The following SPOCK2 variants were observed in gnomAD, a reference collection of about 807,000 sequenced individuals.
SPOCK2 encodes the protein testican-2.
A neutral mutation model predicts 60.1 loss-of-function variants in SPOCK2; 39 were observed. The ratio of observed to expected loss-of-function variants is 0.65; its 90% confidence interval spans 0.50 to 0.85. The LOEUF is 0.85. Ranked by LOEUF, SPOCK2 falls within the 40% of genes least tolerant of loss-of-function variation. The pLI is 0.00. For synonymous variants in SPOCK2, 217 were observed against 231.5 expected (o/e 0.94, Z 0.57); for missense variants, 523 against 567.4 (o/e 0.92, Z 0.80).
At chr10:72,082,364 C>G (rs910239995) in intron 1 of SPOCK2, among the ~76,000 whole-genome samples, 2 of 152,220 alleles carry the variant, frequency 1.3e-5, no homozygotes, top group Non-Finnish European at 2.9e-5. Flanking sequence ...ATCCACGGCT[C>G]TTAGAAGACC....
chr10:72,079,526 C>T (rs1320179192), intron 1 of SPOCK2, among the ~76,000 whole-genome samples: 2 of 152,330 alleles, frequency 1.3e-5, no homozygotes, highest in South Asian at 4.1e-4. Flanking sequence ...ACGGTGCCCA[C>T]TGAGCCAAGC....
rs960572268 is a variant in SPOCK2 at position 72,072,426 on chromosome 10, C to T, written c.244+77G>A. 179 of 1,593,676 alleles carry T rather than the reference C, an allele frequency of 1.1e-4. 2 individuals are homozygous for T. The East Asian group carries it at 1.7e-3, about 15-fold the overall frequency. On this transcript the variant is annotated intron_variant, in intron 3 of 10. Coordinates refer to ENST00000373109, the MANE Select transcript of SPOCK2 (RefSeq NM_001244950.2). ...CCTGGCTGCTCAAGGAGCCCCCAAG[C>T]GGGCTAAGGGCTTGCCCTCTGGTCT...
At position 72,062,843 on chromosome 10, in the gene SPOCK2, TCTCCTC is replaced by T; in HGVS notation, c.1186_1191del (p.Glu396_Glu397del). The T allele has an allele frequency of 6.2e-7, 1 of 1,607,070 alleles. No homozygotes were observed. The highest frequency in any genetic ancestry group is 8.5e-7 in the Non-Finnish European group (1 of 1,178,298). On this transcript the variant is annotated inframe_deletion, in exon 11 of 11. Coordinates refer to ENST00000373109, the MANE Select transcript of SPOCK2 (RefSeq NM_001244950.2). The surrounding 1 kb of genome is among the most constrained non-coding windows in gnomAD (Gnocchi z 4.3). ...TCCTCGCCTGCTTCCTCCGTCTCCT[TCTCCTC>T]CTCATCCTCCCAGCCGACACCGCTT...
At position 72,088,460 on chromosome 10, in the gene SPOCK2, C is replaced by A; in HGVS notation, c.-132G>T. On this transcript the variant is annotated 5_prime_UTR_variant, in exon 1 of 11. Transcript: ENST00000373109. Reference sequence around the variant, plus strand: ...CCCGCGGTCTGCCTCCGGTGACTGGCGGAGAGTGGGTCGCGGCTGAAATGT... The same window carrying A: ...CCCGCGGTCTGCCTCCGGTGACTGGAGGAGAGTGGGTCGCGGCTGAAATGT... The A allele has an allele frequency of 1.8e-6, 2 of 1,105,110 alleles. No individual in the cohort carries two copies. Among genetic ancestry groups the A allele is most frequent in the Non-Finnish European group, 2.5e-6 (2 of 802,092 alleles). The allele number at this position is 1,105,110 out of a possible 1,614,324, so 68.5% of individuals were successfully genotyped here. A position where few individuals can be genotyped will look rare whatever the true frequency, so the allele number is the denominator to read the frequency against.
At chr10:72,080,916 C>T (rs1840775131) in intron 1 of SPOCK2, among the ~76,000 whole-genome samples, 2 of 152,266 alleles carry the variant, frequency 1.3e-5, no homozygotes, top group African/African-American at 4.8e-5. Context: ...CTGCCCTAGT[C>T]CTTGGTCCCT....
chr10:72,072,828 TG>T, intron 2 of SPOCK2, 73 bp downstream of exon 2: 1 of 1,547,686 alleles, frequency 6.5e-7, no homozygotes, highest in Non-Finnish European at 8.7e-7. Context: ...AGAATGAGGG[TG>T]TGGAGGGACA....
intron 1 of SPOCK2, among the ~76,000 whole-genome samples, chr10:72,082,328 C>T (rs1840796386): frequency 6.6e-6 from 1 of 152,206 alleles, no homozygotes; most frequent in Non-Finnish European, 1.5e-5. Context: ...TGTATGCAGG[C>T]ATAGGCCTGG....
At position 72,088,281 on chromosome 10, in the gene SPOCK2, C is replaced by G. The variant is rs757040825; in HGVS notation, c.48G>C (p.Leu16=). The change falls in exon 1 of 11, where the codon CTG becomes CTC. Residue 16 remains leucine, a synonymous_variant. Coordinates refer to ENST00000373109, the MANE Select transcript of SPOCK2 (RefSeq NM_001244950.2). ...CGRLVLPLLL[L]AAAALAEGDA... is the part of the protein sequence containing the mutation. The stretch of plus-strand genomic sequence containing the variant: ...CGCCTTCGGCCAGGGCTGCCGCGGC[C>G]AGGAGCAGCAGCGGCAGCACCAGCC... The G allele has an allele frequency of 6.2e-7, 1 of 1,602,354 alleles. No individual in the cohort carries two copies. Among genetic ancestry groups the G allele is most frequent in the South Asian group, 1.1e-5 (1 of 90,222 alleles).
At chr10:72,073,102 G>A (rs866776672) in intron 1 of SPOCK2, among the ~76,000 whole-genome samples, 192 bp from the exon 2 acceptor site, 2 of 152,184 alleles carry the variant, frequency 1.3e-5, no homozygotes, top group South Asian at 2.1e-4. Context: ...GTATTCTTAC[G>A]TCTTCATCAC....
At chr10:72,066,874 AG>A (rs769297344) in intron 8 of SPOCK2, 27 bp downstream of exon 8, 7 of 1,613,052 alleles carry the variant, frequency 4.3e-6, no homozygotes, top group Middle Eastern at 1.7e-4. Flanking sequence ...CGGGTGAGGC[AG>A]GGGCCTGGGA....
chr10:72,066,970 T>G lies in SPOCK2; in HGVS notation c.860A>C (p.Asn287Thr). 2.5e-6 allele frequency: 4 copies of G among 1,613,884 alleles called. No individual in the cohort carries two copies. Among genetic ancestry groups the G allele is most frequent in the Non-Finnish European group, 3.4e-6 (4 of 1,179,966 alleles). Residue 287 changes from asparagine (N) to threonine (T), a missense_variant, in exon 8 of 11, where the codon AAC (asparagine) becomes ACC (threonine). Physicochemically the swap from Asn to Thr is moderately conservative, Grantham distance 65. Coordinates refer to ENST00000373109, the MANE Select transcript of SPOCK2 (RefSeq NM_001244950.2). Reference protein sequence around the residue: ...KYEVCIRPFFNSCDTYKDGRV... With the variant: ...KYEVCIRPFFTSCDTYKDGRV... ...GCCATCCTTGTAGGTGTCACAGGAG[T>G]TGAAGAAGGGACGGATGCAGACCTC...
intron 1 of SPOCK2, among the ~76,000 whole-genome samples, chr10:72,077,811 C>G (rs560229445): frequency 6.6e-6 from 1 of 152,172 alleles, no homozygotes; most frequent in African/African-American, 2.4e-5. Context: ...CTCACCAACC[C>G]AAAGACTGTC....
Position 72,087,120 on chromosome 10 carries a change from C to T in SPOCK2, c.189+1020G>A. On this transcript the variant is annotated intron_variant, in intron 1 of 10. Transcript: ENST00000373109. The surrounding 1 kb of genome is among the most constrained non-coding windows in gnomAD (Gnocchi z 4.7). ...GCATCCGGGCCCATCCCCCACAGCA[C>T]CCCCAACGATCTCGGGGTCCAGCCA... The T allele has an allele frequency of 9.9e-7, 1 of 1,013,186 alleles. No individual in the cohort carries two copies. Among genetic ancestry groups the T allele is most frequent in the Non-Finnish European group, 1.4e-6 (1 of 713,608 alleles). 62.8% of individuals were successfully genotyped at this position (1,013,186 alleles called of 1,614,324 possible).
At position 72,062,538 on chromosome 10, in the gene SPOCK2, C is replaced by CTCAAAAA; in HGVS notation, c.*221_*222insTTTTTGA. 1 of 473,846 alleles carries CTCAAAAA rather than the reference C, an allele frequency of 2.1e-6. No homozygotes were observed. The allele number at this position is 473,846 out of a possible 1,614,324, so 29.4% of individuals were successfully genotyped here. ...CAAGGACACATTTGTCAGCGCATGC[C>CTCAAAAA]ACACACACACACACATACACACATG... On this transcript the variant is annotated 3_prime_UTR_variant, in exon 11 of 11. Transcript: ENST00000373109. The surrounding 1 kb of genome is among the most constrained non-coding windows in gnomAD (Gnocchi z 4.3).
intron 1 of SPOCK2, among the ~76,000 whole-genome samples, chr10:72,078,697 A>C (rs546842534): frequency 3.0e-4 from 45 of 152,218 alleles, no homozygotes; most frequent in Admixed American, 5.9e-4. Flanking sequence ...AGCATGGCCA[A>C]ACCCCAGCAC....
intron 7 of SPOCK2, 23 bp from the exon 8 acceptor site, chr10:72,067,143 C>A (rs1342011341): frequency 6.2e-7 from 1 of 1,602,128 alleles, no homozygotes. Flanking sequence ...CAGGTTCAGG[C>A]ACGCTTCATC....
At chr10:72,086,990 A>G (rs890938044) in intron 1 of SPOCK2, 31 of 1,551,404 alleles carry the variant, frequency 2.0e-5, no homozygotes, top group Non-Finnish European at 2.7e-5. Flanking sequence ...CGGACGAGGG[A>G]ACCTGGGGAA....
chr10:72,067,783 G>T, intron 6 of SPOCK2, 51 bp from the exon 7 acceptor site: 1 of 1,588,592 alleles, frequency 6.3e-7, no homozygotes, highest in Non-Finnish European at 8.6e-7. Context: ...GGAGCAGCAG[G>T]CTCGATCTCA....
chr10:72,079,266 G>T (rs1840753553), intron 1 of SPOCK2, among the ~76,000 whole-genome samples: 1 of 152,086 alleles, frequency 6.6e-6, no homozygotes, highest in African/African-American at 2.4e-5. Context: ...CTAGGCCAGG[G>T]GTGGGTCCCA....
Sources: gnomAD v4.1 joint callset for allele counts (sites outside exome capture counted in the v4.1 genomes callset) on GRCh38, gnomAD v4.1.1 for gene constraint, Gnocchi (gnomAD v3.1) non-coding constraint, MANE v1.5 for transcripts, NCBI Gene and HGNC (gene_info 2026-07-23, HGNC 2026-07-21) for gene names.